Variants in ENPP1 observed in about 807,000 individuals in gnomAD.
ENPP1 encodes ectonucleotide pyrophosphatase/phosphodiesterase family member 1.
A neutral mutation model predicts 122.8 loss-of-function variants in ENPP1; 73 were observed. The observed-to-expected ratio is 0.59, with a 90% CI of 0.49 to 0.72. ENPP1 has a LOEUF of 0.72. Ranked by LOEUF, ENPP1 falls within the 30% of genes least tolerant of loss-of-function variation. The probability of loss-of-function intolerance (pLI) is 0.00; values close to 1 mark genes in which losing one functional copy is unlikely to be tolerated. For synonymous variants in ENPP1, 367 were observed against 391.6 expected (o/e 0.94, Z 0.74); for missense variants, 978 against 1,128.1 (o/e 0.87, Z 1.91).
intron 1 of ENPP1, among the ~76,000 whole-genome samples, chr6:131,837,759 G>T (rs764699365): frequency 6.8e-4 from 104 of 152,060 alleles, no homozygotes; most frequent in Non-Finnish European, 1.3e-3. Context: ...ATAATTATGA[G>T]GATGTAGGGC....
intron 16 of ENPP1, 132 bp from the exon 17 acceptor site, chr6:131,875,644 A>T: frequency 1.4e-6 from 1 of 727,818 alleles, no homozygotes; most frequent in Non-Finnish European, 2.5e-6. Context: ...CACAAAGTCC[A>T]CTGAGCGTGG....
intron 1 of ENPP1, among the ~76,000 whole-genome samples, chr6:131,833,949 C>T (rs573707188): frequency 6.6e-6 from 1 of 152,052 alleles, no homozygotes; most frequent in East Asian, 1.9e-4. Flanking sequence ...GAGGAGGGAC[C>T]CTTTAGCCTT....
chr6:131,882,552 T>C (rs1782325025), intron 21 of ENPP1, 78 bp downstream of exon 21: 2 of 771,926 alleles, frequency 2.6e-6, no homozygotes, highest in East Asian at 3.9e-5. Context: ...CCATACATTA[T>C]AGGGTAATAT....
chr6:131,870,854 G>A (rs1782152871), intron 13 of ENPP1, among the ~76,000 whole-genome samples: 2 of 152,108 alleles, frequency 1.3e-5, no homozygotes, highest in South Asian at 2.1e-4. Flanking sequence ...CGAGGCGGGC[G>A]GATCATAAGG....
rs763463732 is a variant in ENPP1 at position 131,877,161 on chromosome 6, G to A, written c.1893G>A (p.Ser631=). Residue 631 remains serine, a splice_region_variant and synonymous_variant, in exon 18 of 25, where the codon TCG becomes TCA. Transcript: ENST00000647893. ...ACCTTGGCTGCTCATGTAACCCTTCGGTAAGTATCGTCAAGAAGTTTGGTC... is the reference window on the plus strand; with the variant it reads ...ACCTTGGCTGCTCATGTAACCCTTCAGTAAGTATCGTCAAGAAGTTTGGTC... ...RDNLGCSCNP[S]ILPIEDFQTQ... 3.7e-6 allele frequency: 6 copies of A among 1,612,954 alleles called. No individual in the cohort carries two copies. The highest frequency in any genetic ancestry group is 2.2e-5 in the South Asian group (2 of 90,964).
intron 1 of ENPP1, among the ~76,000 whole-genome samples, chr6:131,809,368 G>C (rs1366904288): frequency 6.6e-6 from 1 of 152,134 alleles, no homozygotes; most frequent in Non-Finnish European, 1.5e-5. Context: ...ACATCATGGA[G>C]ATGCTATAAT....
chr6:131,863,832 T>C (rs1183069925), intron 9 of ENPP1, among the ~76,000 whole-genome samples: 2 of 151,716 alleles, frequency 1.3e-5, no homozygotes. Context: ...AGGGGAATTG[T>C]TTGAACCCGG....
intron 17 of ENPP1, among the ~76,000 whole-genome samples, chr6:131,876,474 A>C (rs116211184): frequency 0.015 from 2,252 of 152,304 alleles, 59 homozygotes; most frequent in African/African-American, 0.048. Flanking sequence ...GAGTTAATGT[A>C]TCCTAAAATA....
At chr6:131,814,061 C>T (rs1781387982) in intron 1 of ENPP1, among the ~76,000 whole-genome samples, 1 of 152,092 alleles carries the variant, frequency 6.6e-6, no homozygotes, top group African/African-American at 2.4e-5. Flanking sequence ...TTCATGATTC[C>T]ATTTATTTAT....
rs1485267875 is a variant in ENPP1 at position 131,820,810 on chromosome 6, G to C, written c.240+12535G>C. Among the ~76,000 whole-genome samples, 4 of 152,256 alleles carry C rather than the reference G, an allele frequency of 2.6e-5. No homozygotes were observed. The East Asian group carries it at 7.7e-4, about 29-fold the overall frequency. ...CATCTCTGTAGTTTATTGGTGAATA[G>C]TTTTGGAGTCAGACAAAATCAGGTT... On this transcript the variant is annotated intron_variant, in intron 1 of 24. Transcript: ENST00000647893.
At position 131,883,684 on chromosome 6, in the gene ENPP1, C is replaced by A. The variant is rs759924610; in HGVS notation, c.2231-10C>A. 4 of 1,257,420 alleles carry A rather than the reference C, an allele frequency of 3.2e-6. No homozygotes were observed. In the African/African-American group the frequency reaches 4.4e-5, roughly 14 times the overall value. 77.9% of individuals were successfully genotyped at this position (1,257,420 alleles called of 1,614,324 possible). On this transcript the variant is annotated splice_polypyrimidine_tract_variant and intron_variant, in intron 21 of 24. Coordinates refer to ENST00000647893, the MANE Select transcript of ENPP1 (RefSeq NM_006208.3). Reference sequence around the variant, plus strand: ...AAGAATGAAAAAGTTGTCCTCTTTTCTCTTTGTAGAACTAAATAAAAATTC... The same window carrying A: ...AAGAATGAAAAAGTTGTCCTCTTTTATCTTTGTAGAACTAAATAAAAATTC...
chr6:131,827,637 C>A, intron 1 of ENPP1: 1 of 606,014 alleles, frequency 1.7e-6, no homozygotes. Flanking sequence ...CTATTATCTG[C>A]TTCAGATACA....
At chr6:131,823,835 G>A (rs1781511602) in intron 1 of ENPP1, among the ~76,000 whole-genome samples, 2 of 151,884 alleles carry the variant, frequency 1.3e-5, no homozygotes, top group South Asian at 4.2e-4. Context: ...CTTTGGGCAG[G>A]TCCCTTAACT....
chr6:131,885,111 A>G, intron 23 of ENPP1, 48 bp downstream of exon 23: 1 of 1,588,102 alleles, frequency 6.3e-7, no homozygotes, highest in Non-Finnish European at 8.6e-7. Context: ...ACCATCCAGT[A>G]GAAATGGGAT....
At position 131,847,718 on chromosome 6, in the gene ENPP1, A is replaced by C. The variant is rs1307052369; in HGVS notation, c.241-58A>C. On this transcript the variant is annotated intron_variant, in intron 1 of 24. Coordinates refer to ENST00000647893, the MANE Select transcript of ENPP1 (RefSeq NM_006208.3). ...AAGACACTATCTCTAAAAATAAAAA[A>C]TAAGATAAAATATTTTTTAAAAAAG... The C allele has an allele frequency of 4.0e-6, 5 of 1,236,384 alleles. No individual in the cohort carries two copies. In the African/African-American group the frequency reaches 6.0e-5, roughly 15 times the overall value. The allele number at this position is 1,236,384 out of a possible 1,614,324, so 76.6% of individuals were successfully genotyped here.
In ENPP1 at chr6:131,893,588, T is replaced by C. The variant is rs1158494045; in HGVS notation, c.*3077T>C. 1.3e-5 allele frequency: 2 copies of C among 152,258 alleles called. No individual in the cohort carries two copies. The highest frequency in any genetic ancestry group is 2.9e-5 in the Non-Finnish European group (2 of 68,044). The allele number at this position is 152,258 out of a possible 1,614,324, so 9.4% of individuals were successfully genotyped here. On this transcript the variant is annotated 3_prime_UTR_variant, in exon 25 of 25. Transcript: ENST00000647893. ...CTGTGACCAACTTATGTACACATAC[T>C]TTTTCTTGCTTAGTTATAATAATCT... is the stretch of plus-strand genomic sequence containing the variant.
At chr6:131,886,204 C>G (rs1310839669) in intron 23 of ENPP1, among the ~76,000 whole-genome samples, 1 of 152,084 alleles carries the variant, frequency 6.6e-6, no homozygotes, top group African/African-American at 2.4e-5. Context: ...CTATAATCGC[C>G]TAGAAGTTAA....
At chr6:131,859,272 A>T (rs1026102489) in intron 7 of ENPP1, among the ~76,000 whole-genome samples, 13 of 152,204 alleles carry the variant, frequency 8.5e-5, no homozygotes, top group African/African-American at 3.1e-4. Flanking sequence ...GTTAGCTTAT[A>T]TTGATCCAAG....
rs756928028 is a variant in ENPP1, at chr6:131,860,556, C to T, written c.915+50C>T. On this transcript the variant is annotated intron_variant, in intron 8 of 24. Coordinates refer to ENST00000647893, the MANE Select transcript of ENPP1 (RefSeq NM_006208.3). ...AATAGTTAATTATTCTCATCTATTT[C>T]AATCAGAGTAAAATAACCAGATTCT... 13 of 1,393,168 alleles carry T rather than the reference C, an allele frequency of 9.3e-6. No individual in the cohort carries two copies. The Admixed American group carries it at 1.0e-4, about 11-fold the overall frequency. 86.3% of individuals were successfully genotyped at this position (1,393,168 alleles called of 1,614,324 possible).
Sources: allele counts gnomAD v4.1 joint callset (sites outside exome capture counted in the v4.1 genomes callset), GRCh38; gene constraint gnomAD v4.1.1; transcripts MANE v1.5; gene names NCBI Gene and HGNC (gene_info 2026-07-23, HGNC 2026-07-21).